Variants in WSCD1 observed in about 807,000 individuals in gnomAD.
WSCD1 encodes WSC domain sialate O sulfotransferase 1.
Under a neutral mutation model 60.4 loss-of-function variants are expected in WSCD1, and 41 were observed. The ratio of observed to expected loss-of-function variants is 0.68; its 90% CI spans 0.53 to 0.88. The LOEUF is 0.88. Ranked by LOEUF, WSCD1 falls within the 40% of genes least tolerant of loss-of-function variation. The pLI, the probability that WSCD1 is intolerant of heterozygous loss-of-function variation, is 0.00. For synonymous variants in WSCD1, 361 were observed against 332.5 expected (o/e 1.09, Z -0.93); for missense variants, 784 against 796.2 (o/e 0.98, Z 0.18).
chr17:6,073,683 C>T (rs185361805), intron 1 of WSCD1, among the ~76,000 whole-genome samples: 31 of 152,298 alleles, frequency 2.0e-4, no homozygotes, highest in Admixed American at 1.7e-3. Flanking sequence ...GAAAAGGTTG[C>T]GACTGGCTGT....
chr17:6,094,016 G>A (rs1028144071), intron 4 of WSCD1, among the ~76,000 whole-genome samples: 4 of 152,222 alleles, frequency 2.6e-5, no homozygotes, highest in African/African-American at 9.7e-5. Context: ...CTGGTAAAAG[G>A]GTTTCTGTTT....
Position 6,075,929 on chromosome 17 carries a change from C to CACGGACAA in WSCD1, c.-288-4441_-288-4434dup, listed in dbSNP as rs5819060. Among the ~76,000 whole-genome samples the CACGGACAA allele has an allele frequency of 0.08, 12,152 of 152,152 alleles. 1,324 individuals are homozygous for CACGGACAA. The highest frequency in any genetic ancestry group is 0.25 in the African/African-American group (10,301 of 41,404). ...CCCAGTGGGCTGGGGCGGGAACACT[C>CACGGACAA]ACGGACAAGGCACTGTCTGGAAGGC... On this transcript the variant is annotated intron_variant, in intron 1 of 8. Transcript: ENST00000317744. This position sits in a 1 kb window ranked among gnomAD's most constrained non-coding sequence, Gnocchi z 4.1.
intron 5 of WSCD1, among the ~76,000 whole-genome samples, chr17:6,096,085 C>T (rs762021162): frequency 6.6e-6 from 1 of 152,204 alleles, no homozygotes; most frequent in Non-Finnish European, 1.5e-5. Flanking sequence ...ATTCGTTGAT[C>T]GCTCATTCCA....
rs147903000 is a variant in WSCD1 at position 6,107,071 on chromosome 17, C to T, written c.850-2536C>T. 2.9e-3 allele frequency among the ~76,000 whole-genome samples: 447 copies of T among 152,334 alleles called. 2 individuals are homozygous for T. Among genetic ancestry groups the T allele is most frequent in the Middle Eastern group, 0.01 (3 of 294 alleles). On this transcript the variant is annotated intron_variant, in intron 5 of 8. Coordinates refer to ENST00000317744, the MANE Select transcript of WSCD1 (RefSeq NM_015253.2). ...ATCAAGGTCTCAGCAGGGTTGGTTT[C>T]TTCCGAGGCCTCCCCACTTGGCTTG...
rs2150531890 is a variant in WSCD1, at chr17:6,081,036, A to G, written c.378A>G (p.Gly126=). Residue 126 remains glycine (G), a synonymous_variant, in exon 2 of 9, where the codon GGA becomes GGG. Transcript: ENST00000317744. Reference sequence around the variant, plus strand: ...ACCACTTCATGAGTGACTCCCAGGGACCGCCCGCCCTGGGCCCCGAGGCTG... The same window carrying G: ...ACCACTTCATGAGTGACTCCCAGGGGCCGCCCGCCCTGGGCCCCGAGGCTG... The part of the protein sequence containing the change: ...WFHHFMSDSQ[G]PPALGPEAAR... The G allele has an allele frequency of 1.3e-6, 2 of 1,542,396 alleles. No homozygotes were observed. Among genetic ancestry groups the G allele is most frequent in the Non-Finnish European group, 1.7e-6 (2 of 1,145,672 alleles).
chr17:6,106,129 A>C (rs551680487), intron 5 of WSCD1, among the ~76,000 whole-genome samples: 1 of 152,394 alleles, frequency 6.6e-6, no homozygotes, highest in South Asian at 2.1e-4. Flanking sequence ...AACAAAGCAC[A>C]CAAAAAACAC....
intron 7 of WSCD1, among the ~76,000 whole-genome samples, chr17:6,111,213 T>C (rs137991926): frequency 1.3e-5 from 2 of 152,222 alleles, no homozygotes; most frequent in African/African-American, 4.8e-5. Flanking sequence ...TGATATTGAT[T>C]ACAGCCAAAG....
chr17:6,110,966 G>A lies in WSCD1; in HGVS notation c.1174+31G>A. On this transcript the variant is annotated intron_variant, in intron 7 of 8. Coordinates refer to ENST00000317744, the MANE Select transcript of WSCD1 (RefSeq NM_015253.2). This position sits in a 1 kb window ranked among gnomAD's most constrained non-coding sequence, Gnocchi z 4.8. The stretch of plus-strand genomic sequence containing the variant: ...TCAAAGCTACAGGGGACGATGGAAG[G>A]CAGCTCCCGGTGACCAAACTGTCAC... 1 of 1,562,716 alleles carries A rather than the reference G, an allele frequency of 6.4e-7. No homozygotes were observed. Among genetic ancestry groups the A allele is most frequent in the Non-Finnish European group, 8.7e-7 (1 of 1,148,620 alleles).
intron 5 of WSCD1, among the ~76,000 whole-genome samples, chr17:6,095,538 A>G (rs1200139192): frequency 6.6e-6 from 1 of 152,268 alleles, no homozygotes; most frequent in Non-Finnish European, 1.5e-5. Context: ...TGGAAGCCAG[A>G]AGATGCTGGC....
Position 6,118,149 on chromosome 17 carries a change from C to T in WSCD1, c.1336C>T (p.His446Tyr). Residue 446 changes from histidine to tyrosine, a missense_variant, in exon 8 of 9, where the codon CAC becomes TAC. His to Tyr is a moderately conservative substitution (Grantham distance 83, BLOSUM62 2). Transcript: ENST00000317744. The surrounding 1 kb of genome is among the most constrained non-coding windows in gnomAD (Gnocchi z 5.8). Reference protein sequence around the residue: ...VAEFNRKCAGHLGYAADRNWK... With the variant: ...VAEFNRKCAGYLGYAADRNWK... ...AGAATTCAACAGAAAATGTGCCGGG[C>T]ACCTGGGATATGCAGCTGACCGCAA... 6.2e-7 allele frequency: 1 copy of T among 1,614,142 alleles called. No homozygotes were observed. Among genetic ancestry groups the T allele is most frequent in the Non-Finnish European group, 8.5e-7 (1 of 1,180,032 alleles).
chr17:6,099,650 T>A (rs1910676061), intron 5 of WSCD1, among the ~76,000 whole-genome samples: 1 of 152,182 alleles, frequency 6.6e-6, no homozygotes, highest in African/African-American at 2.4e-5. Flanking sequence ...CATGATGACC[T>A]GCATTTGCAT....
At chr17:6,078,424 C>T (rs1019052197) in intron 1 of WSCD1, among the ~76,000 whole-genome samples, 2 of 152,162 alleles carry the variant, frequency 1.3e-5, no homozygotes, top group Admixed American at 6.5e-5. Context: ...CAATATCTGG[C>T]CTGAGCCTTA....
rs530796379 is a variant in WSCD1, at chr17:6,123,159, C to T, written c.*2498C>T. 1.4e-4 allele frequency: 21 copies of T among 152,300 alleles called. No homozygotes were observed. Among genetic ancestry groups the T allele is most frequent in the African/African-American group, 5.1e-4 (21 of 41,556 alleles). 9.4% of individuals were successfully genotyped at this position (152,300 alleles called of 1,614,324 possible). ...CTCCCAACCAGCCAAGGAATAAAAGCTGATCTGTATGTAGGGCAGAAGTGT... is the reference window on the plus strand; with the variant it reads ...CTCCCAACCAGCCAAGGAATAAAAGTTGATCTGTATGTAGGGCAGAAGTGT... On this transcript the variant is annotated 3_prime_UTR_variant, in exon 9 of 9. Transcript: ENST00000317744.
intron 5 of WSCD1, among the ~76,000 whole-genome samples, chr17:6,097,144 C>T (rs532135330): frequency 4.9e-4 from 75 of 152,336 alleles, no homozygotes; most frequent in Non-Finnish European, 8.1e-4. Flanking sequence ...TTGCTCCTGA[C>T]GCCACACACA....
Position 6,080,172 on chromosome 17 carries a change from C to G in WSCD1, c.-288-199C>G, listed in dbSNP as rs532415640. ...TTTTACAGATGGGGAAGCTGAGGCC[C>G]AGCAAGGTTAAGCAACCTACCCAGT... is the stretch of plus-strand genomic sequence containing the variant. On this transcript the variant is annotated intron_variant, in intron 1 of 8. Coordinates refer to ENST00000317744, the MANE Select transcript of WSCD1 (RefSeq NM_015253.2). This position sits in a 1 kb window ranked among gnomAD's most constrained non-coding sequence, Gnocchi z 6.6. 1 of 161,216 alleles carries G rather than the reference C, an allele frequency of 6.2e-6. No homozygotes were observed. The highest frequency in any genetic ancestry group is 1.9e-4 in the South Asian group (1 of 5,376). 10.0% of individuals were successfully genotyped at this position (161,216 alleles called of 1,614,324 possible). A position where few individuals can be genotyped will look rare whatever the true frequency, so the allele number is the denominator to read the frequency against.
chr17:6,115,324 TCTG>T (rs1218402758), intron 7 of WSCD1, among the ~76,000 whole-genome samples: 1 of 152,230 alleles, frequency 6.6e-6, no homozygotes, highest in Non-Finnish European at 1.5e-5. Flanking sequence ...ACTGATTTAA[TCTG>T]CTCATTCCTT....
intron 4 of WSCD1, among the ~76,000 whole-genome samples, chr17:6,091,728 C>A (rs937141733): frequency 2.0e-5 from 3 of 152,186 alleles, no homozygotes; most frequent in African/African-American, 7.2e-5. Context: ...CCACCACTGG[C>A]AAGGGTAGGA....
chr17:6,082,180 A>G (rs11651112), intron 2 of WSCD1, among the ~76,000 whole-genome samples: 35,763 of 151,946 alleles, frequency 0.24, 4,720 homozygotes, highest in Non-Finnish European at 0.31. Flanking sequence ...AGTTGAGTCA[A>G]TTGCCAAGGT....
chr17:6,118,281 G>A lies in WSCD1; in HGVS notation c.1375+93G>A. 1 of 1,303,726 alleles carries A rather than the reference G, an allele frequency of 7.7e-7. No homozygotes were observed. Among genetic ancestry groups the A allele is most frequent in the Non-Finnish European group, 1.1e-6 (1 of 939,476 alleles). The allele number at this position is 1,303,726 out of a possible 1,614,324, so 80.8% of individuals were successfully genotyped here. Reference sequence around the variant, plus strand: ...GGATCAATTTACACAGGTAGGCACTGCAGGATGCAGGATCAGTATACACAG... The same window carrying A: ...GGATCAATTTACACAGGTAGGCACTACAGGATGCAGGATCAGTATACACAG... On this transcript the variant is annotated intron_variant, in intron 8 of 8. Transcript: ENST00000317744. The surrounding 1 kb of genome is among the most constrained non-coding windows in gnomAD (Gnocchi z 5.8).
Sources: allele counts gnomAD v4.1 joint callset (sites outside exome capture counted in the v4.1 genomes callset), GRCh38; gene constraint gnomAD v4.1.1; non-coding constraint Gnocchi (gnomAD v3.1); transcripts MANE v1.5; gene names NCBI Gene and HGNC (gene_info 2026-07-23, HGNC 2026-07-21).